The following TMEM178B variants were observed in gnomAD, a reference collection of about 807,000 sequenced individuals.
TMEM178B encodes the protein transmembrane protein 178B.
TMEM178B carries 5 observed loss-of-function variants against 31.0 expected under a neutral mutation model. The ratio of observed to expected loss-of-function variants is 0.16; its 90% confidence interval spans 0.08 to 0.34. TMEM178B has a LOEUF of 0.34. Among genes scored for constraint, TMEM178B ranks in the 10% least tolerant of loss-of-function variants. The probability of loss-of-function intolerance (pLI) is 1.00; values close to 1 mark genes in which losing one functional copy is unlikely to be tolerated. For missense variants in TMEM178B, 275 were observed against 400.3 expected, an observed-to-expected ratio of 0.69 and a Z score of 2.67; for synonymous variants, 164 against 164.0, an observed-to-expected ratio of 1.00 and a Z score of 0.00.
intron 2 of TMEM178B, among the ~76,000 whole-genome samples, chr7:141,405,431 A>G (rs1010571096): frequency 1.3e-5 from 2 of 152,246 alleles, no homozygotes; most frequent in African/African-American, 4.8e-5. Flanking sequence ...GCTTACCTTG[A>G]CATGGACCTT....
intron 3 of TMEM178B, among the ~76,000 whole-genome samples, chr7:141,438,696 T>TAAAAAAAAAAAAAAAAAA (rs869132131): frequency 0.02 from 587 of 28,982 alleles, 153 homozygotes; most frequent in Non-Finnish European, 0.038. Flanking sequence ...CCGTCTCTAC[T>TAAAAAAAAAAAAAAAAAA]AAAAAAAAAA....
At chr7:141,093,268 C>A (rs921645117) in intron 1 of TMEM178B, among the ~76,000 whole-genome samples, 1 of 152,120 alleles carries the variant, frequency 6.6e-6, no homozygotes, top group Admixed American at 6.6e-5. Flanking sequence ...GGAAAGTTAT[C>A]AGGATTGGCG....
At position 141,099,824 on chromosome 7, in the gene TMEM178B, C is replaced by T. The variant is rs890020657; in HGVS notation, c.382+25132C>T. 1.1e-4 allele frequency among the ~76,000 whole-genome samples: 14 copies of T among 127,854 alleles called. No homozygotes were observed. In the Admixed American group the frequency reaches 1.2e-3, roughly 11 times the overall value. The allele number at this position is 127,854 out of a possible 152,430, so 83.9% of individuals were successfully genotyped here. On this transcript the variant is annotated intron_variant, in intron 1 of 3. Transcript: ENST00000565468. ...GGAGCTTGTGTCTGTAAAATGAAAA[C>T]GGTGTCTCTTTTTTTTTTTTTTTGA...
At chr7:141,236,122 C>T (rs1797523293) in intron 2 of TMEM178B, among the ~76,000 whole-genome samples, 1 of 152,204 alleles carries the variant, frequency 6.6e-6, no homozygotes, top group Non-Finnish European at 1.5e-5. Context: ...ACCTAGTCCA[C>T]ACCCCAGCCC....
intron 2 of TMEM178B, among the ~76,000 whole-genome samples, chr7:141,366,878 A>G (rs1291426890): frequency 2.0e-5 from 3 of 151,626 alleles, no homozygotes; most frequent in African/African-American, 4.9e-5. Flanking sequence ...ATACCCTGCA[A>G]CTCTTCTGTG....
At chr7:141,409,032 G>C (rs1228125693) in intron 2 of TMEM178B, among the ~76,000 whole-genome samples, 1 of 152,216 alleles carries the variant, frequency 6.6e-6, no homozygotes, top group Non-Finnish European at 1.5e-5. Context: ...CCACGCCACT[G>C]AAGGTCTTGA....
the TMEM178B span, among the ~76,000 whole-genome samples, chr7:141,509,047 A>G: frequency 1.3e-5 from 2 of 152,166 alleles, no homozygotes; most frequent in East Asian, 3.9e-4. Flanking sequence ...ATTGTTCTCT[A>G]TCTTTAGGGA....
the TMEM178B span, among the ~76,000 whole-genome samples, chr7:141,494,830 T>C: frequency 4.3e-4 from 66 of 152,320 alleles, no homozygotes; most frequent in African/African-American, 1.3e-3. Flanking sequence ...ATATTTTAAA[T>C]GTAGGCGCTG....
intron 1 of TMEM178B, among the ~76,000 whole-genome samples, chr7:141,185,212 C>G (rs147357377): frequency 1.2e-3 from 179 of 152,330 alleles, no homozygotes; most frequent in East Asian, 6.6e-3. Flanking sequence ...TTTAGCCGTC[C>G]GTAGGTGGCT....
intron 2 of TMEM178B, among the ~76,000 whole-genome samples, chr7:141,399,333 A>G (rs1048985254): frequency 1.3e-5 from 2 of 152,176 alleles, no homozygotes; most frequent in Admixed American, 6.5e-5. Context: ...ACTGGAGTCT[A>G]TTGCTAGCGT....
At chr7:141,336,993 CCAT>C (rs1563155248) in intron 2 of TMEM178B, among the ~76,000 whole-genome samples, 9 of 86,730 alleles carry the variant, frequency 1.0e-4, no homozygotes, top group African/African-American at 4.7e-4. Context: ...CCCATCACTA[CCAT>C]CATCATCACC....
At chr7:141,273,717 C>T (rs1165660595) in intron 2 of TMEM178B, among the ~76,000 whole-genome samples, 1 of 152,178 alleles carries the variant, frequency 6.6e-6, no homozygotes, top group African/African-American at 2.4e-5. Flanking sequence ...GCAGGTCTGC[C>T]AGCATTTCCC....
chr7:141,299,575 A>G (rs906319360), intron 2 of TMEM178B, among the ~76,000 whole-genome samples: 2 of 151,860 alleles, frequency 1.3e-5, no homozygotes, highest in Admixed American at 6.5e-5. Context: ...TAGGTTCTTT[A>G]TCCTGGAGGT....
At position 141,122,610 on chromosome 7, in the gene TMEM178B, A is replaced by G. The variant is rs117998504; in HGVS notation, c.382+47918A>G. 8.7e-3 allele frequency among the ~76,000 whole-genome samples: 1,320 copies of G among 152,332 alleles called. 5 individuals are homozygous for G. The highest frequency in any genetic ancestry group is 0.011 in the Non-Finnish European group (769 of 68,026). On this transcript the variant is annotated intron_variant, in intron 1 of 3. Transcript: ENST00000565468. ...AAATGCTGGGTCCAGGGACATCTCC[A>G]TGTACTGTGTGGAGACTGTGGGCCT...
chr7:141,267,881 A>G (rs552290953), intron 2 of TMEM178B, among the ~76,000 whole-genome samples: 1 of 152,346 alleles, frequency 6.6e-6, no homozygotes, highest in Admixed American at 6.5e-5. Context: ...TCCTCAGAAC[A>G]TAGCAGGTGC....
At chr7:141,224,697 C>T (rs1797312227) in intron 2 of TMEM178B, among the ~76,000 whole-genome samples, 1 of 152,308 alleles carries the variant, frequency 6.6e-6, no homozygotes, top group Admixed American at 6.5e-5. Context: ...GAAGTGGACT[C>T]AGATGGAGTT....
chr7:141,164,666 G>T (rs1448001797), intron 1 of TMEM178B, among the ~76,000 whole-genome samples: 1 of 152,180 alleles, frequency 6.6e-6, no homozygotes, highest in Non-Finnish European at 1.5e-5. Context: ...CAAGGATTAG[G>T]TTTGGCTGCA....
At chr7:141,079,439 G>A (rs985428819) in intron 1 of TMEM178B, among the ~76,000 whole-genome samples, 15 of 152,266 alleles carry the variant, frequency 9.9e-5, no homozygotes, top group Middle Eastern at 3.4e-3. Flanking sequence ...ACAGCGCCAC[G>A]CAGAGCCTAT....
At chr7:141,191,204 T>C (rs1796690473) in intron 1 of TMEM178B, among the ~76,000 whole-genome samples, 1 of 152,246 alleles carries the variant, frequency 6.6e-6, no homozygotes, top group South Asian at 2.1e-4. Flanking sequence ...GCGTCTTGTC[T>C]ATTTTTAAGT....
Sources: gnomAD v4.1 joint callset for allele counts (sites outside exome capture counted in the v4.1 genomes callset) on GRCh38, gnomAD v4.1.1 for gene constraint, MANE v1.5 for transcripts, NCBI Gene and HGNC (gene_info 2026-07-23, HGNC 2026-07-21) for gene names.